Variants in PELI2 observed in about 807,000 individuals in gnomAD.
PELI2 encodes pellino E3 ubiquitin protein ligase family member 2.
A neutral mutation model predicts 42.3 loss-of-function variants in PELI2; 23 were observed. The ratio of observed to expected loss-of-function variants is 0.54; its 90% CI spans 0.39 to 0.77. The LOEUF (loss-of-function observed/expected upper bound fraction) is 0.77. Ranked by LOEUF, PELI2 falls within the 30% of genes least tolerant of loss-of-function variation. The probability of loss-of-function intolerance (pLI) is 0.00; values close to 1 mark genes in which losing one functional copy is unlikely to be tolerated. For missense variants in PELI2, 463 were observed against 553.2 expected (o/e 0.84, Z 1.64); for synonymous variants, 245 against 212.2 (o/e 1.15, Z -1.34).
At chr14:56,265,987 T>C (rs1170335396) in intron 2 of PELI2, among the ~76,000 whole-genome samples, 2 of 152,038 alleles carry the variant, frequency 1.3e-5, no homozygotes. Flanking sequence ...CATCAACAGA[T>C]AAGTGAATGA....
intron 1 of PELI2, among the ~76,000 whole-genome samples, chr14:56,133,593 C>T (rs567615774): frequency 1.3e-5 from 2 of 152,356 alleles, no homozygotes; most frequent in African/African-American, 2.4e-5. Flanking sequence ...CCCCCACCCC[C>T]GTTACATGTT....
rs1437665973 is a variant in PELI2 at position 56,297,152 on chromosome 14, G to A, written c.1249G>A (p.Gly417Ser). ...AAACTGCATCAAATTAATTTTCCAA[G>A]GTCCAATTGACTGACGCCCTTGACA... ...EQNCIKLIFQGPID is the reference protein window; with the variant it reads ...EQNCIKLIFQSPID The change falls in exon 6 of 6, where the codon GGT becomes AGT. Residue 417 changes from glycine (G) to serine (S), a missense_variant. This residue lies in a region of PELI2 where 103 missense variants were observed against 129.6 expected (regional missense o/e 0.80). Transcript: ENST00000267460. The A allele has an allele frequency of 3.1e-6, 5 of 1,598,924 alleles. No individual in the cohort carries two copies. Among genetic ancestry groups the A allele is most frequent in the Non-Finnish European group, 2.5e-6 (3 of 1,178,620 alleles).
At chr14:56,164,438 T>G (rs1884878740) in intron 1 of PELI2, among the ~76,000 whole-genome samples, 1 of 152,180 alleles carries the variant, frequency 6.6e-6, no homozygotes, top group Non-Finnish European at 1.5e-5. Context: ...TGAATTAGGT[T>G]TGCTAGTATT....
chr14:56,252,583 AG>A (rs1888384706), intron 2 of PELI2, among the ~76,000 whole-genome samples: 1 of 152,208 alleles, frequency 6.6e-6, no homozygotes, highest in Non-Finnish European at 1.5e-5. Context: ...GTTAAGGAGC[AG>A]GAAGTTTAGT....
At chr14:56,221,088 T>G (rs1241119761) in intron 2 of PELI2, among the ~76,000 whole-genome samples, 1 of 152,146 alleles carries the variant, frequency 6.6e-6, no homozygotes, top group Admixed American at 6.5e-5. Flanking sequence ...CTGGCCATGC[T>G]TTCTAGAAAG....
rs568916108 is a variant in PELI2, at chr14:56,141,859, A to T, written c.77+23122A>T. 2.0e-5 allele frequency among the ~76,000 whole-genome samples: 3 copies of T among 152,172 alleles called. No individual in the cohort carries two copies. In the South Asian group the frequency reaches 6.2e-4, roughly 31 times the overall value. On this transcript the variant is annotated intron_variant, in intron 1 of 5. Coordinates refer to ENST00000267460, the MANE Select transcript of PELI2 (RefSeq NM_021255.3). ...ACTGAGCCAAACCGTATCAGACCCT[A>T]TTCCTGGATTTGAATTATAAACATT...
intron 2 of PELI2, among the ~76,000 whole-genome samples, chr14:56,239,394 T>C (rs1158318372): frequency 6.6e-6 from 1 of 152,212 alleles, no homozygotes; most frequent in Non-Finnish European, 1.5e-5. Flanking sequence ...AACTTTGACT[T>C]ACTATCAGTT....
intron 1 of PELI2, among the ~76,000 whole-genome samples, chr14:56,141,217 A>G (rs1883894763): frequency 6.6e-6 from 1 of 152,164 alleles, no homozygotes; most frequent in African/African-American, 2.4e-5. Flanking sequence ...TCATAATGAA[A>G]ATGCTTAACA....
At position 56,297,248 on chromosome 14, in the gene PELI2, A is replaced by G. The variant is rs992018566; in HGVS notation, c.*82A>G. 3 of 902,048 alleles carry G rather than the reference A, an allele frequency of 3.3e-6. No individual in the cohort carries two copies. Among genetic ancestry groups the G allele is most frequent in the African/African-American group, 3.3e-5 (2 of 60,146 alleles). 55.9% of individuals were successfully genotyped at this position (902,048 alleles called of 1,614,324 possible). A position where few individuals can be genotyped will look rare whatever the true frequency, so the allele number is the denominator to read the frequency against. On this transcript the variant is annotated 3_prime_UTR_variant, in exon 6 of 6. Coordinates refer to ENST00000267460, the MANE Select transcript of PELI2 (RefSeq NM_021255.3). ...TAACTCTAGATTTTACCTTTTTGTAATGCTGTTTATCAGAGGAGGGTGACA... is the reference window on the plus strand; with the variant it reads ...TAACTCTAGATTTTACCTTTTTGTAGTGCTGTTTATCAGAGGAGGGTGACA...
intron 2 of PELI2, among the ~76,000 whole-genome samples, chr14:56,262,869 A>G (rs370226820): frequency 1.4e-4 from 21 of 152,348 alleles, no homozygotes; most frequent in South Asian, 8.3e-4. Flanking sequence ...GTTTTAATAT[A>G]GAATATGCTC....
At chr14:56,189,721 T>G (rs1322166611) in intron 2 of PELI2, among the ~76,000 whole-genome samples, 2 of 152,250 alleles carry the variant, frequency 1.3e-5, no homozygotes, top group Non-Finnish European at 2.9e-5. Context: ...AGTTTAATTA[T>G]ATTAAAAACT....
intron 2 of PELI2, among the ~76,000 whole-genome samples, chr14:56,248,226 C>T (rs1267124179): frequency 3.9e-5 from 6 of 152,286 alleles, no homozygotes; most frequent in African/African-American, 9.6e-5. Context: ...TATTATGCAA[C>T]GAACATGTCA....
At chr14:56,282,185 A>G (rs1006451055) in intron 3 of PELI2, among the ~76,000 whole-genome samples, 1 of 152,092 alleles carries the variant, frequency 6.6e-6, no homozygotes, top group Non-Finnish European at 1.5e-5. Flanking sequence ...CAGTTCAGTA[A>G]ATTTGGGTAC....
intron 1 of PELI2, among the ~76,000 whole-genome samples, chr14:56,166,226 A>G (rs1427466691): frequency 6.6e-6 from 1 of 152,182 alleles, no homozygotes; most frequent in South Asian, 2.1e-4. Context: ...CTATTTGCAT[A>G]AACAAACAAA....
At chr14:56,198,441 G>T (rs1886218761) in intron 2 of PELI2, among the ~76,000 whole-genome samples, 1 of 152,210 alleles carries the variant, frequency 6.6e-6, no homozygotes, top group Admixed American at 6.5e-5. Flanking sequence ...AGAGGAGTGT[G>T]CCTAAGGCAG....
At chr14:56,195,043 A>T (rs1566630709) in intron 2 of PELI2, among the ~76,000 whole-genome samples, 1 of 152,246 alleles carries the variant, frequency 6.6e-6, no homozygotes, top group Non-Finnish European at 1.5e-5. Context: ...CTAAAACTGT[A>T]AACTAGATGC....
At chr14:56,142,315 T>C (rs940493156) in intron 1 of PELI2, among the ~76,000 whole-genome samples, 1 of 152,192 alleles carries the variant, frequency 6.6e-6, no homozygotes, top group African/African-American at 2.4e-5. Context: ...TATGGTGGGC[T>C]TGCGAGAGGA....
intron 1 of PELI2, among the ~76,000 whole-genome samples, chr14:56,165,179 G>C (rs1235890470): frequency 6.6e-6 from 1 of 151,966 alleles, no homozygotes; most frequent in African/African-American, 2.4e-5. Flanking sequence ...AAACTTCCCT[G>C]TTAGTACTAC....
In PELI2 at chr14:56,219,930, G is replaced by A. The variant is rs1482280557; in HGVS notation, c.207+41466G>A. Among the ~76,000 whole-genome samples, 1 of 152,140 alleles carries A rather than the reference G, an allele frequency of 6.6e-6. No individual in the cohort carries two copies. The highest frequency in any genetic ancestry group is 6.5e-5 in the Admixed American group (1 of 15,274). On this transcript the variant is annotated intron_variant, in intron 2 of 5. Coordinates refer to ENST00000267460, the MANE Select transcript of PELI2 (RefSeq NM_021255.3). The surrounding 1 kb of genome is among the most constrained non-coding windows in gnomAD (Gnocchi z 4.1). ...AGCTCAGGATTGAAAAAACTCTTGT[G>A]CAGAACAGTTAATTGAAGTGTTCTG...
Sources: gnomAD v4.1 joint callset for allele counts (sites outside exome capture counted in the v4.1 genomes callset) on GRCh38, gnomAD v4.1.1 for gene constraint, gnomAD v4.1.1 regional missense constraint, Gnocchi (gnomAD v3.1) non-coding constraint, MANE v1.5 for transcripts, NCBI Gene and HGNC (gene_info 2026-07-23, HGNC 2026-07-21) for gene names.